NCLN: variants seen among roughly 807,000 people sequenced by gnomAD.
The protein encoded by NCLN is BOS complex subunit NCLN.
A neutral mutation model predicts 69.5 loss-of-function variants in NCLN; 34 were observed. That is an observed-to-expected ratio of 0.49 (90% confidence interval 0.37 to 0.65). The LOEUF (loss-of-function observed/expected upper bound fraction) is 0.65, where lower values mean the gene tolerates loss of function less well. Among genes scored for constraint, NCLN ranks in the 30% least tolerant of loss-of-function variants. NCLN has a pLI of 0.00. For missense variants in NCLN, 710 were observed against 804.8 expected, an observed-to-expected ratio of 0.88 and a Z score of 1.42; for synonymous variants, 393 against 358.3, an observed-to-expected ratio of 1.10 and a Z score of -1.09.
intron 6 of NCLN, among the ~76,000 whole-genome samples, chr19:3,202,185 T>C (rs1916143737): frequency 6.6e-6 from 1 of 151,990 alleles, no homozygotes; most frequent in Non-Finnish European, 1.5e-5. Context: ...CCCAGGAGGC[T>C]GCACACATTG....
chr19:3,199,689 CTTTT>C (rs71164662), intron 5 of NCLN, among the ~76,000 whole-genome samples: 5 of 69,522 alleles, frequency 7.2e-5, no homozygotes, highest in East Asian at 9.6e-4. Flanking sequence ...CTGCCTCCTC[CTTTT>C]TTTTTTTTTT....
intron 12 of NCLN, among the ~76,000 whole-genome samples, chr19:3,206,795 A>G (rs1351364002): frequency 3.3e-5 from 5 of 152,044 alleles, no homozygotes; most frequent in Non-Finnish European, 7.4e-5. Flanking sequence ...ACATAGCAAG[A>G]CCCCATCTCT....
chr19:3,201,801 C>T (rs923388866), intron 6 of NCLN, among the ~76,000 whole-genome samples, 175 bp downstream of exon 6: 8 of 152,212 alleles, frequency 5.3e-5, no homozygotes, highest in African/African-American at 1.9e-4. Context: ...CTCGCAGGCT[C>T]TGTCTCTTGG....
At chr19:3,191,272 A>G (rs1915817832) in intron 1 of NCLN, among the ~76,000 whole-genome samples, 2 of 152,152 alleles carry the variant, frequency 1.3e-5, no homozygotes, top group Non-Finnish European at 2.9e-5. Context: ...CCCAGGAAGC[A>G]AAAGGCAGCG....
At chr19:3,202,575 A>G (rs1916154798) in intron 6 of NCLN, among the ~76,000 whole-genome samples, 1 of 152,208 alleles carries the variant, frequency 6.6e-6, no homozygotes, top group South Asian at 2.1e-4. Context: ...CAGAGAGGCC[A>G]GGGCCACTGT....
chr19:3,197,450 T>A (rs1422456636), intron 4 of NCLN, among the ~76,000 whole-genome samples: 1 of 152,158 alleles, frequency 6.6e-6, no homozygotes, highest in African/African-American at 2.4e-5. Flanking sequence ...CTTGTTTGTT[T>A]TTGTTTTTTG....
chr19:3,204,001 G>T lies in NCLN; in HGVS notation c.890-4G>T. 6.4e-7 allele frequency: 1 copy of T among 1,563,942 alleles called. No individual in the cohort carries two copies. The highest frequency in any genetic ancestry group is 1.4e-5 in the African/African-American group (1 of 73,556). The stretch of plus-strand genomic sequence containing the variant: ...CCACCCCGCCAGCTCTCGGTGTCCT[G>T]CAGACTCCAGCCTGCTTCAGGACAA... On this transcript the variant is annotated splice_region_variant and splice_polypyrimidine_tract_variant and intron_variant, in intron 7 of 14. Coordinates refer to ENST00000246117, the MANE Select transcript of NCLN (RefSeq NM_020170.4).
At chr19:3,201,123 C>T (rs1029791161) in intron 5 of NCLN, among the ~76,000 whole-genome samples, 1 of 152,244 alleles carries the variant, frequency 6.6e-6, no homozygotes, top group Admixed American at 6.5e-5. Flanking sequence ...GTGGGTCCCA[C>T]AGAGGGGACC....
rs150796256 is a variant in NCLN at position 3,191,076 on chromosome 19, G to A, written c.185-1394G>A. On this transcript the variant is annotated intron_variant, in intron 1 of 14. Transcript: ENST00000246117. ...CAGGGAGATCGTCGCGGTGTGTGGC[G>A]GGCAGCAGGGAGATCGTCGCGGTGC... Among the ~76,000 whole-genome samples the A allele has an allele frequency of 2.8e-3, 421 of 151,046 alleles. 5 individuals are homozygous for A. In the East Asian group the frequency reaches 0.04, roughly 15 times the overall value.
In NCLN at chr19:3,207,437, G is replaced by A. The variant is rs890959055; in HGVS notation, c.1600G>A (p.Ala534Thr). The A allele has an allele frequency of 1.9e-6, 3 of 1,612,912 alleles. No individual in the cohort carries two copies. The highest frequency in any genetic ancestry group is 3.3e-5 in the Admixed American group (2 of 60,002). ...CCTGCTCCTGGCTGTTGGCATTGCT[G>A]CCTACCTCGGCATGGCCTACGTGGC... Reference protein sequence around the residue: ...FDLLLAVGIAAYLGMAYVAVQ... With the variant: ...FDLLLAVGIATYLGMAYVAVQ... The change falls in exon 14 of 15, where the codon GCC becomes ACC. Residue 534 changes from alanine to threonine, a missense_variant. Physicochemically the swap from Ala to Thr is moderately conservative, Grantham distance 58. Transcript: ENST00000246117.
intron 3 of NCLN, among the ~76,000 whole-genome samples, chr19:3,195,517 G>A (rs902637971): frequency 6.6e-6 from 1 of 152,052 alleles, no homozygotes; most frequent in East Asian, 1.9e-4. Flanking sequence ...CCAAAGTGCT[G>A]GTATTCCAGG....
chr19:3,204,459 T>A (rs775239451), intron 8 of NCLN, 114 bp from the exon 9 acceptor site: 22 of 1,196,560 alleles, frequency 1.8e-5, no homozygotes, highest in Non-Finnish European at 2.5e-5. Flanking sequence ...GCAGGTGGAT[T>A]TCTCCTCATT....
rs1020990881 is a variant in NCLN at position 3,185,938 on chromosome 19, G to A, written c.-93G>A. 17 of 977,332 alleles carry A rather than the reference G, an allele frequency of 1.7e-5. No homozygotes were observed. The Admixed American group carries it at 6.9e-4, about 40-fold the overall frequency. The allele number at this position is 977,332 out of a possible 1,614,324, so 60.5% of individuals were successfully genotyped here. ...CCCCGCGCGGCGCCCGCAGGACCCC[G>A]GCGGCTACCCATGCCGAGGTGAGTC... is the stretch of plus-strand genomic sequence containing the variant. On this transcript the variant is annotated 5_prime_UTR_variant, in exon 1 of 15. Coordinates refer to ENST00000246117, the MANE Select transcript of NCLN (RefSeq NM_020170.4).
In NCLN at chr19:3,204,694, C is replaced by T. The variant is rs772829975; in HGVS notation, c.1151C>T (p.Thr384Met). ...RFAIRRLPAFTLSHLESHRDG... is the reference protein window; with the variant it reads ...RFAIRRLPAFMLSHLESHRDG... The stretch of plus-strand genomic sequence containing the variant: ...GCCATCCGCCGACTGCCCGCCTTCA[C>T]GCTGTCCCACCTGGAGAGCCACCGT... Residue 384 changes from threonine (T) to methionine (M), a missense_variant, in exon 9 of 15, where the codon ACG becomes ATG. By Grantham distance (81) the Thr-to-Met change is moderately conservative. Transcript: ENST00000246117. The T allele has an allele frequency of 8.7e-6, 14 of 1,605,356 alleles. No individual in the cohort carries two copies. The highest frequency in any genetic ancestry group is 2.2e-5 in the South Asian group (2 of 90,094).
rs1916323247 is a variant in NCLN at position 3,208,022 on chromosome 19, G to A, written c.*334G>A. The A allele has an allele frequency of 1.3e-5, 4 of 313,548 alleles. No homozygotes were observed. The highest frequency in any genetic ancestry group is 2.4e-5 in the Non-Finnish European group (4 of 167,140). 19.4% of individuals were successfully genotyped at this position (313,548 alleles called of 1,614,324 possible). On this transcript the variant is annotated 3_prime_UTR_variant, in exon 15 of 15. Transcript: ENST00000246117. ...AGCACACATGCACGATTAAAGAGGAGACGCCGGGACCCCCTGCCCGATCGC... is the reference window on the plus strand; with the variant it reads ...AGCACACATGCACGATTAAAGAGGAAACGCCGGGACCCCCTGCCCGATCGC...
rs191884070 is a variant in NCLN at position 3,193,334 on chromosome 19, C to T, written c.426C>T (p.Pro142=). ...TGCTGGCCATGGAGACCGCCGTCCC[C>T]GTGTACTTTGCCGTGGAGGACGAGG... ...PEMLAMETAV[P]VYFAVEDEAL... Residue 142 remains proline (P), a synonymous_variant, in exon 3 of 15, where the codon CCC becomes CCT. Coordinates refer to ENST00000246117, the MANE Select transcript of NCLN (RefSeq NM_020170.4). 1.7e-4 allele frequency: 279 copies of T among 1,613,118 alleles called. 1 individual carries two copies. The East Asian group carries it at 5.9e-3, about 34-fold the overall frequency.
Position 3,205,728 on chromosome 19 carries a change from C to A in NCLN, c.1209-211C>A. 3 of 574,002 alleles carry A rather than the reference C, an allele frequency of 5.2e-6. No individual in the cohort carries two copies. Among genetic ancestry groups the A allele is most frequent in the Non-Finnish European group, 9.3e-6 (3 of 324,100 alleles). 35.6% of individuals were successfully genotyped at this position (574,002 alleles called of 1,614,324 possible). On this transcript the variant is annotated intron_variant, in intron 9 of 14. Coordinates refer to ENST00000246117, the MANE Select transcript of NCLN (RefSeq NM_020170.4). This position sits in a 1 kb window ranked among gnomAD's most constrained non-coding sequence, Gnocchi z 4.6. ...CGTGAGCCTTACCTGCGCACAGGGACGGGTCAGGGCAAGGGGCCTGGAGGT... is the reference window on the plus strand; with the variant it reads ...CGTGAGCCTTACCTGCGCACAGGGAAGGGTCAGGGCAAGGGGCCTGGAGGT...
At chr19:3,188,516 G>C (rs555831396) in intron 1 of NCLN, among the ~76,000 whole-genome samples, 1 of 151,904 alleles carries the variant, frequency 6.6e-6, no homozygotes, top group South Asian at 2.1e-4. Flanking sequence ...CGATTCCCTC[G>C]GCCCCTTTTT....
intron 5 of NCLN, 34 bp downstream of exon 5, chr19:3,198,931 C>T (rs2144908708): frequency 7.2e-7 from 1 of 1,389,934 alleles, no homozygotes; most frequent in East Asian, 2.8e-5. Flanking sequence ...CCCCACCCCA[C>T]AGGGCTTGGA....
Sources: allele counts gnomAD v4.1 joint callset (sites outside exome capture counted in the v4.1 genomes callset), GRCh38; gene constraint gnomAD v4.1.1; non-coding constraint Gnocchi (gnomAD v3.1); transcripts MANE v1.5; gene names NCBI Gene and HGNC (gene_info 2026-07-23, HGNC 2026-07-21).